GRIK5: variants seen among roughly 807,000 people sequenced by gnomAD.
GRIK5 encodes glutamate receptor ionotropic, kainate 5.
A neutral mutation model predicts 97.4 loss-of-function variants in GRIK5; 43 were observed. The ratio of observed to expected loss-of-function variants is 0.44; its 90% CI spans 0.35 to 0.57. The LOEUF is 0.57. Among genes scored for constraint, GRIK5 ranks in the 20% least tolerant of loss-of-function variants. GRIK5 has a pLI of 0.01. For synonymous variants in GRIK5, 580 were observed against 583.5 expected (o/e 0.99, Z 0.09); for missense variants, 1,015 against 1,382.0 (o/e 0.73, Z 4.21).
intron 17 of GRIK5, among the ~76,000 whole-genome samples, chr19:42,005,251 A>AAC (rs2075473506): frequency 6.6e-6 from 1 of 151,206 alleles, no homozygotes; most frequent in African/African-American, 2.4e-5. Context: ...AAAAAAAAAA[A>AAC]AAAAAACAAA....
Position 42,003,290 on chromosome 19 carries a change from G to A in GRIK5, c.2514+42C>T, listed in dbSNP as rs1555871454. 10 of 1,588,884 alleles carry A rather than the reference G, an allele frequency of 6.3e-6. No homozygotes were observed. The highest frequency in any genetic ancestry group is 8.6e-6 in the Non-Finnish European group (10 of 1,163,142). On this transcript the variant is annotated intron_variant, in intron 19 of 19. Transcript: ENST00000593562. The surrounding 1 kb of genome is among the most constrained non-coding windows in gnomAD (Gnocchi z 4.2). ...CAATCTTCACGCACCTCAGCCCCTGGGGGTCCCTGTTCCTGCCCACCCCCA... is the reference window on the plus strand; with the variant it reads ...CAATCTTCACGCACCTCAGCCCCTGAGGGTCCCTGTTCCTGCCCACCCCCA...
intron 12 of GRIK5, among the ~76,000 whole-genome samples, chr19:42,025,316 G>C (rs1358175735): frequency 6.6e-6 from 1 of 152,108 alleles, no homozygotes. Context: ...TGCCACAGTT[G>C]ACCCTTGGAT....
At position 41,999,029 on chromosome 19, in the gene GRIK5, G is replaced by A; in HGVS notation, c.2785C>T (p.His929Tyr). The part of the protein sequence containing the change: ...ARPAAPTPCT[H>Y]VRVCQECRRI... ...CGGCACTCCTGGCAGACGCGCACGT[G>A]GGTGCAGGGGGTGGGGGCGGCGGGT... Residue 929 changes from histidine to tyrosine, a missense_variant, in exon 20 of 20, where the codon CAC becomes TAC. His to Tyr is a moderately conservative substitution (Grantham distance 83). Coordinates refer to ENST00000593562, the MANE Select transcript of GRIK5 (RefSeq NM_002088.5). The surrounding 1 kb of genome is among the most constrained non-coding windows in gnomAD (Gnocchi z 5.0). 2 of 1,226,766 alleles carry A rather than the reference G, an allele frequency of 1.6e-6. No individual in the cohort carries two copies. Among genetic ancestry groups the A allele is most frequent in the Non-Finnish European group, 2.0e-6 (2 of 984,148 alleles). The allele number at this position is 1,226,766 out of a possible 1,614,324, so 76.0% of individuals were successfully genotyped here.
chr19:42,047,972 C>CAAA (rs552963887), intron 11 of GRIK5, among the ~76,000 whole-genome samples: 16 of 54,870 alleles, frequency 2.9e-4, no homozygotes, highest in South Asian at 5.6e-4. Context: ...GACTCTGTCT[C>CAAA]AAAAAAAAAA....
intron 1 of GRIK5, among the ~76,000 whole-genome samples, chr19:42,067,999 G>C (rs1021504870): frequency 6.6e-6 from 1 of 152,196 alleles, no homozygotes; most frequent in African/African-American, 2.4e-5. Flanking sequence ...TGAGGGAGAA[G>C]GCAAAGGGAG....
At position 42,068,755 on chromosome 19, in the gene GRIK5, C is replaced by T. The variant is rs753960867; in HGVS notation, c.-51+486G>A. 4 of 508,426 alleles carry T rather than the reference C, an allele frequency of 7.9e-6. No homozygotes were observed. The South Asian group carries it at 1.1e-4, about 14-fold the overall frequency. The allele number at this position is 508,426 out of a possible 1,614,324, so 31.5% of individuals were successfully genotyped here. On this transcript the variant is annotated intron_variant, in intron 1 of 19. Coordinates refer to ENST00000593562, the MANE Select transcript of GRIK5 (RefSeq NM_002088.5). ...GCTAACAGCAAAGAGAGAAGTTGGG[C>T]AGAGTCAGAGAGGGGCCCAAGAGAC...
At chr19:42,032,402 C>G (rs868341492) in intron 12 of GRIK5, among the ~76,000 whole-genome samples, 1 of 152,158 alleles carries the variant, frequency 6.6e-6, no homozygotes, top group Non-Finnish European at 1.5e-5. Context: ...ATTGGCGAAG[C>G]CTTTTTGAAC....
chr19:42,002,497 C>T lies in GRIK5; in HGVS notation c.2514+835G>A, dbSNP rs782713193. On this transcript the variant is annotated intron_variant, in intron 19 of 19. Transcript: ENST00000593562. This position sits in a 1 kb window ranked among gnomAD's most constrained non-coding sequence, Gnocchi z 5.2. ...CATGGACGGCTCCTTCAGAGGAGTC[C>T]TTGGGCCAAGTGCAGAACACTGGCA... 1.4e-6 allele frequency: 1 copy of T among 715,832 alleles called. No homozygotes were observed. Among genetic ancestry groups the T allele is most frequent in the South Asian group, 1.5e-5 (1 of 67,366 alleles). 44.3% of individuals were successfully genotyped at this position (715,832 alleles called of 1,614,324 possible).
At chr19:42,037,111 C>A (rs2075915561) in intron 12 of GRIK5, among the ~76,000 whole-genome samples, 1 of 152,240 alleles carries the variant, frequency 6.6e-6, no homozygotes, top group Admixed American at 6.5e-5. Flanking sequence ...GTAGTGACCA[C>A]ATGTGAGCCA....
Position 42,022,252 on chromosome 19 carries a change from G to A in GRIK5, c.1576C>T (p.Arg526Ter), listed in dbSNP as rs2075709104. The A allele has an allele frequency of 1.2e-6, 2 of 1,610,572 alleles. No homozygotes were observed. The highest frequency in any genetic ancestry group is 1.7e-6 in the Non-Finnish European group (2 of 1,176,784). ...FMTLGISILY[R>*]VHMGRKPGYF... is the part of the protein sequence containing the mutation. ...CAGGGGAACCATACCATGTGCACTC[G>A]GTAGAGGATGCTGATCCCCAGGGTC... Residue 526 changes from arginine (R) to a stop codon, truncating the protein, a stop_gained, in exon 13 of 20, where the codon CGA becomes TGA. Coordinates refer to ENST00000593562, the MANE Select transcript of GRIK5 (RefSeq NM_002088.5). LOFTEE classifies it high-confidence loss of function. The surrounding 1 kb of genome is among the most constrained non-coding windows in gnomAD (Gnocchi z 4.2).
At chr19:42,041,691 G>A (rs1334960488) in intron 12 of GRIK5, among the ~76,000 whole-genome samples, 30 of 151,972 alleles carry the variant, frequency 2.0e-4, no homozygotes, top group Admixed American at 1.8e-3. Context: ...CTCAGGCCCC[G>A]CTGGTTCCTC....
chr19:42,055,989 CTTT>C (rs990570971), intron 8 of GRIK5, among the ~76,000 whole-genome samples: 3 of 130,256 alleles, frequency 2.3e-5, no homozygotes, highest in Non-Finnish European at 3.3e-5. Flanking sequence ...GGCCAATTTA[CTTT>C]TTTTTTTTTT....
chr19:42,066,061 C>T (rs2076327018), intron 1 of GRIK5, among the ~76,000 whole-genome samples: 1 of 152,138 alleles, frequency 6.6e-6, no homozygotes, highest in Admixed American at 6.5e-5. Flanking sequence ...CTGAGTAGGA[C>T]AGGCTGCAAG....
intron 6 of GRIK5, among the ~76,000 whole-genome samples, chr19:42,057,936 C>T (rs2076208984): frequency 6.6e-6 from 1 of 152,162 alleles, no homozygotes; most frequent in Admixed American, 6.5e-5. Flanking sequence ...TAAAGGGCAC[C>T]AGCTTGCATT....
In GRIK5 at chr19:42,065,715, T is replaced by C. The variant is rs1038877561; in HGVS notation, c.56A>G (p.Gln19Arg). The change falls in exon 2 of 20, where the codon CAG (glutamine) becomes CGG (arginine). Residue 19 changes from glutamine to arginine, a missense_variant. By Grantham distance (43) the Gln-to-Arg change is conservative. This residue lies in a region of GRIK5 where 198 missense variants were observed against 218.2 expected (regional missense o/e 0.91). Coordinates refer to ENST00000593562, the MANE Select transcript of GRIK5 (RefSeq NM_002088.5). The surrounding 1 kb of genome is among the most constrained non-coding windows in gnomAD (Gnocchi z 5.8). The stretch of plus-strand genomic sequence containing the variant: ...ACCCATGCGCAGTGATGAGAGCACC[T>C]GGCAGCTGGGGCTGGCGAAGGCAAC... ...LIVAFASPSC[Q>R]VLSSLRMAAI... 11 of 1,595,910 alleles carry C rather than the reference T, an allele frequency of 6.9e-6. No homozygotes were observed. The highest frequency in any genetic ancestry group is 9.4e-6 in the Non-Finnish European group (11 of 1,172,684).
Position 42,009,470 on chromosome 19 carries a change from T to TA in GRIK5, c.1872-2661dup, listed in dbSNP as rs77770415. On this transcript the variant is annotated intron_variant, in intron 15 of 19. Coordinates refer to ENST00000593562, the MANE Select transcript of GRIK5 (RefSeq NM_002088.5). ...GTTGGCCAGGCTGAGACCTTATCTT[T>TA]AAAAAAAAAAAAAAAGGCTGGGCGC... Among the ~76,000 whole-genome samples the TA allele has an allele frequency of 0.011, 1,443 of 131,598 alleles. 80 individuals carry two copies. In the East Asian group the frequency reaches 0.19, roughly 17 times the overall value. 86.3% of individuals were successfully genotyped at this position (131,598 alleles called of 152,430 possible). A position where few individuals can be genotyped will look rare whatever the true frequency, so the allele number is the denominator to read the frequency against.
chr19:42,058,558 T>A (rs896149906), intron 6 of GRIK5, among the ~76,000 whole-genome samples: 5 of 148,704 alleles, frequency 3.4e-5, no homozygotes, highest in Admixed American at 2.0e-4. Context: ...CCGGGTGTGG[T>A]GGCTCACGCC....
chr19:42,013,898 G>A (rs1441063873), intron 15 of GRIK5, among the ~76,000 whole-genome samples: 3 of 151,022 alleles, frequency 2.0e-5, no homozygotes, highest in East Asian at 2.0e-4. Flanking sequence ...GTGTGGCGTC[G>A]CACACCTGTG....
At chr19:42,050,140 G>A (rs1311157688) in intron 11 of GRIK5, among the ~76,000 whole-genome samples, 2 of 151,932 alleles carry the variant, frequency 1.3e-5, no homozygotes, top group Non-Finnish European at 2.9e-5. Context: ...ATGTTGCTCA[G>A]GCTTGTCTCA....
Sources: gnomAD v4.1 joint callset for allele counts (sites outside exome capture counted in the v4.1 genomes callset) on GRCh38, gnomAD v4.1.1 for gene constraint, gnomAD v4.1.1 regional missense constraint, Gnocchi (gnomAD v3.1) non-coding constraint, MANE v1.5 for transcripts, NCBI Gene and HGNC (gene_info 2026-07-23, HGNC 2026-07-21) for gene names.